The following AGBL1 variants were observed in gnomAD, a reference collection of about 807,000 sequenced individuals.
AGBL1 encodes cytosolic carboxypeptidase 4.
AGBL1 carries 130 observed loss-of-function variants against 118.9 expected under a neutral mutation model. The ratio of observed to expected loss-of-function variants is 1.09; its 90% CI spans 0.95 to 1.26. AGBL1 has a LOEUF of 1.26. Ranked by LOEUF, AGBL1 falls within the 50% of genes most tolerant of loss-of-function variation. The pLI is 0.00. For missense variants in AGBL1, 1,584 were observed against 1,298.1 expected (o/e 1.22, Z -3.38); for synonymous variants, 555 against 478.9 (o/e 1.16, Z -2.08).
intron 1 of AGBL1, among the ~76,000 whole-genome samples, chr15:86,140,582 A>G (rs1025141266): frequency 1.3e-5 from 2 of 152,188 alleles, no homozygotes; most frequent in African/African-American, 4.8e-5. Flanking sequence ...GCAAGATTAT[A>G]CCATGATACC....
intron 22 of AGBL1, among the ~76,000 whole-genome samples, chr15:86,845,514 G>A (rs1052178873): frequency 1.3e-4 from 20 of 152,064 alleles, no homozygotes; most frequent in Admixed American, 7.2e-4. Context: ...CTAATAATAT[G>A]TGTTTATACT....
intron 16 of AGBL1, among the ~76,000 whole-genome samples, chr15:86,283,817 A>G (rs2079395194): frequency 6.6e-6 from 1 of 152,176 alleles, no homozygotes; most frequent in African/African-American, 2.4e-5. Context: ...TGAATGGTAC[A>G]GTCTTTGACA....
intron 1 of AGBL1, among the ~76,000 whole-genome samples, chr15:86,080,770 C>T (rs1299141943): frequency 6.6e-6 from 1 of 151,960 alleles, no homozygotes; most frequent in Non-Finnish European, 1.5e-5. Context: ...TTGAAAACTC[C>T]CCCGGGGTCT....
chr15:86,749,962 T>G (rs537552666), intron 22 of AGBL1, among the ~76,000 whole-genome samples: 70 of 152,336 alleles, frequency 4.6e-4, no homozygotes, highest in African/African-American at 1.5e-3. Context: ...GATATTGGTC[T>G]AAAATTCTCT....
intron 19 of AGBL1, among the ~76,000 whole-genome samples, chr15:86,537,962 T>C (rs757144716): frequency 9.9e-5 from 15 of 152,230 alleles, no homozygotes; most frequent in Non-Finnish European, 1.5e-4. Context: ...TATTAGATTG[T>C]ATGTTTTTGG....
intron 21 of AGBL1, among the ~76,000 whole-genome samples, chr15:86,589,997 G>T (rs2084310113): frequency 6.6e-6 from 1 of 152,140 alleles, no homozygotes; most frequent in Non-Finnish European, 1.5e-5. Context: ...CAGAGGGTTT[G>T]TTGAACAATT....
At chr15:86,851,307 T>A (rs991381786) in intron 22 of AGBL1, among the ~76,000 whole-genome samples, 1 of 152,140 alleles carries the variant, frequency 6.6e-6, no homozygotes, top group African/African-American at 2.4e-5. Context: ...AGGAACTGAT[T>A]CTAGCTCAAA....
At chr15:86,417,216 A>G (rs2081708005) in intron 18 of AGBL1, among the ~76,000 whole-genome samples, 1 of 152,142 alleles carries the variant, frequency 6.6e-6, no homozygotes, top group Admixed American at 6.6e-5. Flanking sequence ...TTCTTAAACC[A>G]TGTTAATATA....
At chr15:86,441,418 C>T (rs1246842054) in intron 18 of AGBL1, among the ~76,000 whole-genome samples, 1 of 152,098 alleles carries the variant, frequency 6.6e-6, no homozygotes, top group Non-Finnish European at 1.5e-5. Context: ...CAAAATGTAC[C>T]ACCTTTTAAG....
At chr15:86,775,975 C>T (rs773023886) in intron 22 of AGBL1, among the ~76,000 whole-genome samples, 4 of 152,066 alleles carry the variant, frequency 2.6e-5, no homozygotes, top group African/African-American at 4.8e-5. Flanking sequence ...TCTTTTTCTA[C>T]CTTTGCTAGA....
At chr15:86,093,340 G>A (rs549626654) in intron 1 of AGBL1, among the ~76,000 whole-genome samples, 8 of 152,256 alleles carry the variant, frequency 5.3e-5, no homozygotes, top group African/African-American at 1.7e-4. Flanking sequence ...GTCATATGAG[G>A]CCCTGTATTA....
At position 86,253,394 on chromosome 15, in the gene AGBL1, C is replaced by T. The variant is rs2078847237; in HGVS notation, c.736-3459C>T. Among the ~76,000 whole-genome samples, 4 of 151,308 alleles carry T rather than the reference C, an allele frequency of 2.6e-5. No individual in the cohort carries two copies. The South Asian group carries it at 8.3e-4, about 31-fold the overall frequency. ...GCCTCCCGAGTAGCTGGAATTACAG[C>T]CATGCACCACAATGCCTGGCTAATT... is the stretch of plus-strand genomic sequence containing the variant. On this transcript the variant is annotated intron_variant, in intron 7 of 22. Coordinates refer to ENST00000614907, the MANE Select transcript of AGBL1 (RefSeq NM_001386094.1).
rs1203724022 is a variant in AGBL1 at position 86,783,132 on chromosome 15, T to C, written c.3158+108696T>C. ...GCTTTCCAGTTGTTATAAGAAGTTA[T>C]TCCACCAAATGAAATTGCTATTTTA... On this transcript the variant is annotated intron_variant, in intron 22 of 22. Transcript: ENST00000614907. Among the ~76,000 whole-genome samples the C allele has an allele frequency of 2.6e-5, 4 of 152,338 alleles. No homozygotes were observed. In the East Asian group the frequency reaches 7.7e-4, roughly 29 times the overall value.
chr15:86,085,639 C>T (rs1260507917), intron 1 of AGBL1, among the ~76,000 whole-genome samples: 3 of 152,186 alleles, frequency 2.0e-5, no homozygotes, highest in African/African-American at 4.8e-5. Context: ...TAGTCCCAGC[C>T]TTCAGCCCCT....
At chr15:86,373,615 A>G (rs4386106) in intron 17 of AGBL1, among the ~76,000 whole-genome samples, 79,903 of 152,028 alleles carry the variant, frequency 0.53, 22,325 homozygotes, top group East Asian at 0.7. Flanking sequence ...CAGAGAACCA[A>G]GCAAAGAAAA....
intron 22 of AGBL1, among the ~76,000 whole-genome samples, chr15:86,822,679 GT>G (rs2078957809): frequency 6.6e-6 from 1 of 152,126 alleles, no homozygotes; most frequent in Admixed American, 6.6e-5. Context: ...GACATATGCA[GT>G]TTTTCAGGAA....
At chr15:86,549,883 G>GAGGA (rs2083641119) in intron 20 of AGBL1, among the ~76,000 whole-genome samples, 1 of 140,864 alleles carries the variant, frequency 7.1e-6, no homozygotes, top group African/African-American at 2.7e-5. Context: ...GGGGAGGGGA[G>GAGGA]TGGAGGGAGG....
At chr15:86,311,813 C>A (rs1310720207) in intron 17 of AGBL1, among the ~76,000 whole-genome samples, 1 of 152,328 alleles carries the variant, frequency 6.6e-6, no homozygotes, top group East Asian at 1.9e-4. Flanking sequence ...CTTGAGGTAC[C>A]TTCAGCTGCG....
intron 5 of AGBL1, among the ~76,000 whole-genome samples, chr15:86,205,892 A>G (rs895480166): frequency 6.6e-6 from 1 of 152,102 alleles, no homozygotes; most frequent in African/African-American, 2.4e-5. Context: ...GCTTTGTTAC[A>G]TTGGTATACA....
Sources: allele counts gnomAD v4.1 joint callset (sites outside exome capture counted in the v4.1 genomes callset), GRCh38; gene constraint gnomAD v4.1.1; transcripts MANE v1.5; gene names NCBI Gene and HGNC (gene_info 2026-07-23, HGNC 2026-07-21).